Variants in KYNU observed in about 807,000 individuals in gnomAD.
KYNU encodes the protein L-kynurenine hydrolase.
KYNU carries 54 observed loss-of-function variants against 59.2 expected under a neutral mutation model. The observed-to-expected ratio is 0.91, with a 90% confidence interval of 0.73 to 1.14. The LOEUF (loss-of-function observed/expected upper bound fraction) is 1.14, where lower values mean the gene tolerates loss of function less well. Among genes scored for constraint, KYNU ranks in the 50% most tolerant of loss-of-function variants. The probability of loss-of-function intolerance (pLI) is 0.00; values close to 1 mark genes in which losing one functional copy is unlikely to be tolerated. For synonymous variants in KYNU, 177 were observed against 192.0 expected, an observed-to-expected ratio of 0.92 and a Z score of 0.65; for missense variants, 567 against 554.4, an observed-to-expected ratio of 1.02 and a Z score of -0.23.
intron 10 of KYNU, among the ~76,000 whole-genome samples, chr2:143,005,004 A>G (rs1421525496): frequency 6.6e-6 from 1 of 152,186 alleles, no homozygotes; most frequent in Non-Finnish European, 1.5e-5. Context: ...CTAAATAAAA[A>G]CCAACAAAAA....
chr2:143,017,427 CTTTTT>C (rs750190667), intron 10 of KYNU, among the ~76,000 whole-genome samples: 8 of 52,568 alleles, frequency 1.5e-4, no homozygotes, highest in African/African-American at 4.1e-4. Context: ...CCTTTTCTCT[CTTTTT>C]TCTTTTTTTT....
At chr2:142,937,333 C>T (rs1267379295) in intron 4 of KYNU, among the ~76,000 whole-genome samples, 2 of 152,082 alleles carry the variant, frequency 1.3e-5, no homozygotes, top group East Asian at 1.9e-4. Context: ...TATCCACTTG[C>T]ACTCTTATTT....
intron 4 of KYNU, among the ~76,000 whole-genome samples, chr2:142,937,150 T>A (rs1249616192): frequency 1.3e-5 from 2 of 152,194 alleles, no homozygotes; most frequent in Non-Finnish European, 2.9e-5. Flanking sequence ...CCAGGGTAGC[T>A]ATCTTCTGGC....
chr2:142,984,179 C>T (rs1248238236), intron 8 of KYNU, among the ~76,000 whole-genome samples: 1 of 151,908 alleles, frequency 6.6e-6, no homozygotes, highest in South Asian at 2.1e-4. Context: ...TATGTAACAT[C>T]GAGCATTGGC....
intron 7 of KYNU, chr2:142,957,924 C>T (rs2055893243): frequency 2.0e-6 from 1 of 506,534 alleles, no homozygotes; most frequent in South Asian, 2.3e-5. Context: ...CAAGGGCTAG[C>T]CATATGGCAA....
intron 10 of KYNU, among the ~76,000 whole-genome samples, chr2:143,005,352 A>G (rs142592724): frequency 2.0e-4 from 30 of 152,272 alleles, no homozygotes; most frequent in Non-Finnish European, 3.8e-4. Context: ...GCTCTCATAT[A>G]CCAGGTTCCA....
At chr2:142,954,076 ATTG>A (rs1174169117) in intron 4 of KYNU, 1 of 152,084 alleles carries the variant, frequency 6.6e-6, no homozygotes, top group Admixed American at 6.6e-5. Context: ...AGGTATTATT[ATTG>A]TTGTGATTAT....
chr2:143,033,420 A>G (rs1401870380), intron 12 of KYNU, 99 bp downstream of exon 12: 1 of 881,714 alleles, frequency 1.1e-6, no homozygotes, highest in Non-Finnish European at 2.0e-6. Context: ...GCAAGATGAT[A>G]CATGTGCACT....
chr2:142,957,746 G>A, intron 7 of KYNU, 31 bp downstream of exon 7: 1 of 1,339,750 alleles, frequency 7.5e-7, no homozygotes, highest in Non-Finnish European at 1.1e-6. Context: ...TATTTGTCAT[G>A]CTTTGTTTAG....
chr2:142,917,840 T>G (rs1682717943), intron 2 of KYNU, among the ~76,000 whole-genome samples: 1 of 152,234 alleles, frequency 6.6e-6, no homozygotes, highest in African/African-American at 2.4e-5. Flanking sequence ...TAGTCTGAAG[T>G]AAAGACCAAC....
chr2:142,898,470 GAA>G (rs5834924), intron 2 of KYNU, among the ~76,000 whole-genome samples: 35 of 149,310 alleles, frequency 2.3e-4, no homozygotes, highest in Admixed American at 3.3e-4. Flanking sequence ...TAGTTCAAGG[GAA>G]AAAAAAAATC....
At chr2:142,912,381 T>C (rs1384311422) in intron 2 of KYNU, among the ~76,000 whole-genome samples, 1 of 130,634 alleles carries the variant, frequency 7.7e-6, no homozygotes, top group Admixed American at 7.5e-5. Context: ...CTTTTTTTTT[T>C]TTTTTTTTTT....
rs142416239 is a variant in KYNU, at chr2:143,055,632, C to CAGGAAGGAAGGAAGGA, written c.*13498_*13513dup. 200 of 133,304 alleles carry CAGGAAGGAAGGAAGGA rather than the reference C, an allele frequency of 1.5e-3. No homozygotes were observed. The highest frequency in any genetic ancestry group is 7.2e-3 in the Middle Eastern group (2 of 276). 8.3% of individuals were successfully genotyped at this position (133,304 alleles called of 1,614,324 possible). On this transcript the variant is annotated 3_prime_UTR_variant, in exon 14 of 14. Coordinates refer to ENST00000264170, the MANE Select transcript of KYNU (RefSeq NM_003937.3). ...TTGAGGGTCATTAGTCATCTTACCA[C>CAGGAAGGAAGGAAGGA]AGGAAGGAAGGAAGGAAGGAAGGAA...
intron 10 of KYNU, among the ~76,000 whole-genome samples, chr2:142,990,906 T>G (rs1435689205): frequency 2.6e-5 from 4 of 151,882 alleles, no homozygotes. Context: ...AAGAGTAATT[T>G]GCTGGTGAAA....
At position 142,895,571 on chromosome 2, in the gene KYNU, GC is replaced by G. The variant is rs761681901; in HGVS notation, c.169+10036del. Among the ~76,000 whole-genome samples, 12 of 152,084 alleles carry G rather than the reference GC, an allele frequency of 7.9e-5. No homozygotes were observed. In the East Asian group the frequency reaches 9.6e-4, roughly 12 times the overall value. ...TGTCCAATTTTGGTGATTATGAATAGCTACTATTAACATTCATGTACAGGAT... is the reference window on the plus strand; with the variant it reads ...TGTCCAATTTTGGTGATTATGAATAGTACTATTAACATTCATGTACAGGAT... On this transcript the variant is annotated intron_variant, in intron 2 of 13. Coordinates refer to ENST00000264170, the MANE Select transcript of KYNU (RefSeq NM_003937.3).
chr2:142,891,768 A>C (rs1037218262), intron 2 of KYNU, among the ~76,000 whole-genome samples: 3 of 152,214 alleles, frequency 2.0e-5, no homozygotes, highest in African/African-American at 7.2e-5. Context: ...TCAACAACAG[A>C]TAAAGATATG....
intron 6 of KYNU, among the ~76,000 whole-genome samples, 197 bp from the exon 7 acceptor site, chr2:142,957,444 C>G (rs541981689): frequency 1.3e-5 from 2 of 152,118 alleles, no homozygotes; most frequent in Non-Finnish European, 2.9e-5. Context: ...TTTCATCTAT[C>G]TCAAAGAATG....
intron 10 of KYNU, among the ~76,000 whole-genome samples, chr2:143,024,674 C>G (rs1257189519): frequency 6.6e-6 from 1 of 151,994 alleles, no homozygotes; most frequent in Non-Finnish European, 1.5e-5. Flanking sequence ...AGTTTTTTCT[C>G]TATCCTTAAA....
chr2:142,918,792 G>A (rs1447555895), intron 3 of KYNU, 63 bp downstream of exon 3: 1 of 1,526,454 alleles, frequency 6.6e-7, no homozygotes, highest in African/African-American at 1.4e-5. Flanking sequence ...AATCACATTA[G>A]GTTGTCTAAT....
Sources: gnomAD v4.1 joint callset for allele counts (sites outside exome capture counted in the v4.1 genomes callset) on GRCh38, gnomAD v4.1.1 for gene constraint, MANE v1.5 for transcripts, NCBI Gene and HGNC (gene_info 2026-07-23, HGNC 2026-07-21) for gene names.